The following ARHGAP42 variants were observed in gnomAD, a reference collection of about 807,000 sequenced individuals.
The protein encoded by ARHGAP42 is Rho GTPase activating protein 42.
ARHGAP42 carries 63 observed loss-of-function variants against 125.0 expected under a neutral mutation model. That is an observed-to-expected ratio of 0.50 (90% CI 0.41 to 0.62). The LOEUF (loss-of-function observed/expected upper bound fraction) is 0.62. Ranked by LOEUF, ARHGAP42 falls within the 20% of genes least tolerant of loss-of-function variation. The probability of loss-of-function intolerance (pLI) is 0.00; values close to 1 mark genes in which losing one functional copy is unlikely to be tolerated. For synonymous variants in ARHGAP42, 339 were observed against 351.0 expected (o/e 0.97, Z 0.38); for missense variants, 766 against 1,024.2 (o/e 0.75, Z 3.44).
At chr11:100,699,815 G>A (rs1404314809) in intron 1 of ARHGAP42, among the ~76,000 whole-genome samples, 1 of 151,996 alleles carries the variant, frequency 6.6e-6, no homozygotes, top group Admixed American at 6.6e-5. Flanking sequence ...GAGCCACCAC[G>A]CTTGGTGATT....
chr11:100,923,575 G>A (rs1361885881), intron 6 of ARHGAP42, among the ~76,000 whole-genome samples: 6 of 151,524 alleles, frequency 4.0e-5, no homozygotes, highest in Non-Finnish European at 8.8e-5. Flanking sequence ...TTCGTTCACA[G>A]GTGGCAGAAG....
At position 100,833,212 on chromosome 11, in the gene ARHGAP42, G is replaced by A. The variant is rs574063641; in HGVS notation, c.313-26342G>A. Among the ~76,000 whole-genome samples, 11 of 152,278 alleles carry A rather than the reference G, an allele frequency of 7.2e-5. No individual in the cohort carries two copies. The South Asian group carries it at 2.3e-3, about 32-fold the overall frequency. On this transcript the variant is annotated intron_variant, in intron 3 of 23. Transcript: ENST00000298815. ...TTGTACATTTTGGTTGAAATAAATA[G>A]GACCAATTTGTTGCCTAAAAGTTTC...
chr11:100,695,465 A>G (rs1591111374), intron 1 of ARHGAP42, among the ~76,000 whole-genome samples: 1 of 152,092 alleles, frequency 6.6e-6, no homozygotes, highest in African/African-American at 2.4e-5. Flanking sequence ...CATCACGCCC[A>G]GCTAATTTTT....
intron 3 of ARHGAP42, among the ~76,000 whole-genome samples, chr11:100,850,265 G>A (rs187983995): frequency 1.2e-4 from 19 of 152,242 alleles, no homozygotes; most frequent in South Asian, 1.0e-3. Context: ...AAAATAATAC[G>A]TAGGCTACGT....
At chr11:100,824,326 G>A (rs1334772215) in intron 3 of ARHGAP42, among the ~76,000 whole-genome samples, 2 of 152,116 alleles carry the variant, frequency 1.3e-5, no homozygotes, top group Admixed American at 6.6e-5. Flanking sequence ...AATGATGCTT[G>A]CTTTAAGGCT....
intron 1 of ARHGAP42, among the ~76,000 whole-genome samples, chr11:100,761,938 A>T (rs1409565581): frequency 1.3e-5 from 2 of 152,234 alleles, no homozygotes; most frequent in African/African-American, 4.8e-5. Context: ...GGAGCTTACG[A>T]TTCAGAGGGG....
intron 4 of ARHGAP42, among the ~76,000 whole-genome samples, chr11:100,909,124 G>T (rs940818809): frequency 6.6e-6 from 1 of 152,094 alleles, no homozygotes; most frequent in African/African-American, 2.4e-5. Flanking sequence ...TGTAGGTTAT[G>T]GATATTAGCC....
At chr11:100,730,928 A>G (rs1270489622) in intron 1 of ARHGAP42, among the ~76,000 whole-genome samples, 1 of 152,230 alleles carries the variant, frequency 6.6e-6, no homozygotes, top group Non-Finnish European at 1.5e-5. Context: ...AGAGTACAGT[A>G]AAAATACAAT....
rs1373289396 is a variant in ARHGAP42 at position 100,885,203 on chromosome 11, T to C, written c.384+25578T>C. 2.6e-5 allele frequency among the ~76,000 whole-genome samples: 4 copies of C among 152,218 alleles called. No individual in the cohort carries two copies. In the East Asian group the frequency reaches 7.7e-4, roughly 29 times the overall value. On this transcript the variant is annotated intron_variant, in intron 4 of 23. Transcript: ENST00000298815. The stretch of plus-strand genomic sequence containing the variant: ...GAAAGTAAACAGTTTAGCAGCCACT[T>C]TCCCTTTATGCCTGACAGGGTGTGG...
intron 5 of ARHGAP42, among the ~76,000 whole-genome samples, 155 bp from the exon 6 acceptor site, chr11:100,921,339 G>A (rs922272293): frequency 2.1e-5 from 3 of 140,388 alleles, no homozygotes; most frequent in Non-Finnish European, 4.5e-5. Flanking sequence ...TGTAGCTCCT[G>A]CCCCATACAC....
At chr11:100,769,844 A>T (rs1862931750) in intron 1 of ARHGAP42, among the ~76,000 whole-genome samples, 1 of 146,846 alleles carries the variant, frequency 6.8e-6, no homozygotes, top group African/African-American at 2.5e-5. Context: ...GTGTAGGGGG[A>T]TGGAGAGCAT....
intron 1 of ARHGAP42, among the ~76,000 whole-genome samples, chr11:100,765,395 C>T (rs529901315): frequency 7.6e-4 from 116 of 152,110 alleles, no homozygotes; most frequent in African/African-American, 2.6e-3. Flanking sequence ...CTGGAGCTGG[C>T]GCCCTGGGTT....
chr11:100,750,848 A>G (rs888466437), intron 1 of ARHGAP42, among the ~76,000 whole-genome samples: 2 of 152,148 alleles, frequency 1.3e-5, no homozygotes, highest in Admixed American at 1.3e-4. Flanking sequence ...TTGAAGAGAA[A>G]TTTAGAACTC....
intron 1 of ARHGAP42, among the ~76,000 whole-genome samples, chr11:100,708,468 A>C (rs1378582616): frequency 6.6e-6 from 1 of 152,176 alleles, no homozygotes; most frequent in East Asian, 1.9e-4. Context: ...AGCCATGATG[A>C]AGCCTTGCAC....
intron 3 of ARHGAP42, among the ~76,000 whole-genome samples, chr11:100,805,222 C>T (rs1300897607): frequency 6.6e-6 from 1 of 152,174 alleles, no homozygotes; most frequent in Non-Finnish European, 1.5e-5. Flanking sequence ...GGTTTGAACC[C>T]ATGCTGTGGG....
At chr11:100,721,003 C>T (rs61204670) in intron 1 of ARHGAP42, among the ~76,000 whole-genome samples, 1,658 of 151,994 alleles carry the variant, frequency 0.011, 29 homozygotes, top group African/African-American at 0.036. Context: ...ATATTACCCA[C>T]CTCTTCCCTG....
intron 12 of ARHGAP42, among the ~76,000 whole-genome samples, chr11:100,954,332 T>G (rs1857745815): frequency 6.6e-6 from 1 of 152,200 alleles, no homozygotes; most frequent in Non-Finnish European, 1.5e-5. Flanking sequence ...GAAGTTCTTT[T>G]CCATTGACTT....
At chr11:100,916,481 G>A (rs1867069376) in intron 5 of ARHGAP42, among the ~76,000 whole-genome samples, 1 of 152,066 alleles carries the variant, frequency 6.6e-6, no homozygotes, top group Non-Finnish European at 1.5e-5. Flanking sequence ...GACTAAGGAG[G>A]AAATATAAAC....
At chr11:100,710,137 A>G (rs546938252) in intron 1 of ARHGAP42, among the ~76,000 whole-genome samples, 2 of 152,198 alleles carry the variant, frequency 1.3e-5, no homozygotes, top group East Asian at 3.9e-4. Context: ...GCTCTTGCAT[A>G]TTTCTTTTGG....
Sources: allele counts gnomAD v4.1 joint callset (sites outside exome capture counted in the v4.1 genomes callset), GRCh38; gene constraint gnomAD v4.1.1; transcripts MANE v1.5; gene names NCBI Gene and HGNC (gene_info 2026-07-23, HGNC 2026-07-21).